CADPS2: variants seen among roughly 807,000 people sequenced by gnomAD.
The protein encoded by CADPS2 is calcium-dependent secretion activator 2.
Under a neutral mutation model 172.5 loss-of-function variants are expected in CADPS2, and 93 were observed. The observed-to-expected ratio is 0.54, with a 90% CI of 0.46 to 0.64. CADPS2 has a LOEUF of 0.64. Among genes scored for constraint, CADPS2 ranks in the 30% least tolerant of loss-of-function variants. The pLI is 0.00. For synonymous variants in CADPS2, 546 were observed against 555.2 expected, an observed-to-expected ratio of 0.98 and a Z score of 0.23; for missense variants, 1,420 against 1,565.9, an observed-to-expected ratio of 0.91 and a Z score of 1.57.
intron 15 of CADPS2, 53 bp downstream of exon 15, chr7:122,451,321 A>T: frequency 1.1e-6 from 1 of 946,720 alleles, no homozygotes; most frequent in South Asian, 2.3e-5. Flanking sequence ...GGGGGAAGTA[A>T]GGGTTGAGTA....
chr7:122,472,253 A>G (rs1274355131), intron 13 of CADPS2, among the ~76,000 whole-genome samples: 2 of 152,124 alleles, frequency 1.3e-5, no homozygotes, highest in African/African-American at 4.8e-5. Flanking sequence ...AAGATAGTAA[A>G]AGAAAAGAAG....
intron 20 of CADPS2, among the ~76,000 whole-genome samples, chr7:122,399,660 C>CTTTTTTTTTTTTTTTTTTTTTTTTT: frequency 2.0e-5 from 1 of 51,226 alleles, no homozygotes; most frequent in Admixed American, 2.9e-4. Context: ...GGGTGGGTTT[C>CTTTTTTTTTTTTTTTTTTTTTTTTT]TTTTTTTTTT....
At chr7:122,746,877 T>C (rs1481237093) in intron 1 of CADPS2, among the ~76,000 whole-genome samples, 1 of 152,126 alleles carries the variant, frequency 6.6e-6, no homozygotes, top group East Asian at 1.9e-4. Flanking sequence ...TCCCTGAACA[T>C]AGTAATAAGT....
At chr7:122,346,792 A>G (rs1048663182) in intron 27 of CADPS2, among the ~76,000 whole-genome samples, 1 of 152,182 alleles carries the variant, frequency 6.6e-6, no homozygotes, top group Non-Finnish European at 1.5e-5. Context: ...AGATGCCTGC[A>G]TGGCTGTTAA....
At chr7:122,377,037 G>C (rs554174252) in intron 25 of CADPS2, among the ~76,000 whole-genome samples, 1 of 152,064 alleles carries the variant, frequency 6.6e-6, no homozygotes, top group African/African-American at 2.4e-5. Context: ...TTCAACCAAA[G>C]AATTAAAGAT....
chr7:122,675,994 A>G (rs188894081), intron 2 of CADPS2, among the ~76,000 whole-genome samples: 22 of 152,248 alleles, frequency 1.4e-4, no homozygotes, highest in Admixed American at 1.2e-3. Flanking sequence ...AAAAAAAACA[A>G]CAACAAAAAA....
chr7:122,565,124 A>T (rs1021229239), intron 7 of CADPS2, among the ~76,000 whole-genome samples: 1 of 151,872 alleles, frequency 6.6e-6, no homozygotes, highest in African/African-American at 2.4e-5. Flanking sequence ...CTTACTCGAT[A>T]TGATGATCAC....
chr7:122,371,455 C>A (rs1460873979), intron 25 of CADPS2, among the ~76,000 whole-genome samples: 1 of 152,100 alleles, frequency 6.6e-6, no homozygotes, highest in East Asian at 1.9e-4. Flanking sequence ...CTTATAAAAC[C>A]ATCAGATCTT....
intron 8 of CADPS2, among the ~76,000 whole-genome samples, chr7:122,527,433 C>T (rs1402908086): frequency 6.9e-6 from 1 of 145,010 alleles, no homozygotes. Flanking sequence ...AAAAAAAACA[C>T]AAAACTGTCT....
intron 17 of CADPS2, among the ~76,000 whole-genome samples, chr7:122,420,040 G>C (rs1414113104): frequency 1.3e-5 from 2 of 152,054 alleles, no homozygotes; most frequent in Non-Finnish European, 2.9e-5. Context: ...CAGAGTCTTG[G>C]AGAGGTTGAA....
intron 15 of CADPS2, among the ~76,000 whole-genome samples, chr7:122,448,794 T>G (rs2152019921): frequency 6.6e-6 from 1 of 152,268 alleles, no homozygotes; most frequent in South Asian, 2.1e-4. Flanking sequence ...GCTAGGATCT[T>G]CTAAGGAAAC....
At chr7:122,460,334 G>C (rs1035626194) in intron 14 of CADPS2, among the ~76,000 whole-genome samples, 9 of 151,766 alleles carry the variant, frequency 5.9e-5, no homozygotes, top group Non-Finnish European at 1.5e-5. Flanking sequence ...TGGCTGTCTT[G>C]GTGGTAAATA....
chr7:122,459,220 A>G (rs2054159322), intron 14 of CADPS2, among the ~76,000 whole-genome samples: 1 of 151,894 alleles, frequency 6.6e-6, no homozygotes, highest in Admixed American at 6.6e-5. Context: ...TGAAATAATT[A>G]TATTTCAATA....
At chr7:122,559,480 A>C (rs2065446161) in intron 7 of CADPS2, among the ~76,000 whole-genome samples, 1 of 152,140 alleles carries the variant, frequency 6.6e-6, no homozygotes, top group Admixed American at 6.5e-5. Context: ...TTAAAAGATA[A>C]GAAGAGAGGG....
chr7:122,845,996 C>G (rs1811891628), intron 1 of CADPS2, among the ~76,000 whole-genome samples: 1 of 152,136 alleles, frequency 6.6e-6, no homozygotes, highest in Admixed American at 6.5e-5. Context: ...ACTGAAGCAT[C>G]TATGTATTCT....
chr7:122,790,120 G>A lies in CADPS2; in HGVS notation c.340-53052C>T, dbSNP rs181815016. On this transcript the variant is annotated intron_variant, in intron 1 of 29. Coordinates refer to ENST00000449022, the MANE Select transcript of CADPS2 (RefSeq NM_017954.11). Reference sequence around the variant, plus strand: ...GTGAATTAAAAATAGAAAAAGGCCAGGAGCAATGGCTCATGCCTGTCATCC... The same window carrying A: ...GTGAATTAAAAATAGAAAAAGGCCAAGAGCAATGGCTCATGCCTGTCATCC... Among the ~76,000 whole-genome samples, 732 of 148,978 alleles carry A rather than the reference G, an allele frequency of 4.9e-3. 27 individuals carry two copies. Among genetic ancestry groups the A allele is most frequent in the Admixed American group, 0.048 (706 of 14,800 alleles).
intron 8 of CADPS2, among the ~76,000 whole-genome samples, chr7:122,537,246 G>T (rs979624283): frequency 1.3e-5 from 2 of 151,176 alleles, no homozygotes; most frequent in African/African-American, 2.4e-5. Context: ...ATTTGTCCTA[G>T]GTTGTTTAGA....
At chr7:122,681,754 G>GA (rs1170827675) in intron 2 of CADPS2, 27 of 504,244 alleles carry the variant, frequency 5.4e-5, no homozygotes, top group South Asian at 7.3e-5. Context: ...ATAAAAGAAA[G>GA]AAAAAAAACA....
At chr7:122,845,744 A>C (rs1327587219) in intron 1 of CADPS2, among the ~76,000 whole-genome samples, 1 of 152,228 alleles carries the variant, frequency 6.6e-6, no homozygotes, top group Non-Finnish European at 1.5e-5. Context: ...ATGACATAGC[A>C]CAGGACATGA....
Sources: gnomAD v4.1 joint callset for allele counts (sites outside exome capture counted in the v4.1 genomes callset) on GRCh38, gnomAD v4.1.1 for gene constraint, MANE v1.5 for transcripts, NCBI Gene and HGNC (gene_info 2026-07-23, HGNC 2026-07-21) for gene names.